SEPTIN7: variants seen among roughly 807,000 people sequenced by gnomAD.
SEPTIN7 encodes the protein septin-7.
SEPTIN7 carries 10 observed loss-of-function variants against 63.3 expected under a neutral mutation model. The observed-to-expected ratio is 0.16, with a 90% confidence interval of 0.10 to 0.27. SEPTIN7 has a LOEUF of 0.27. SEPTIN7 is among the 10% of genes least tolerant of loss of function. The pLI, the probability that SEPTIN7 is intolerant of heterozygous loss-of-function variation, is 1.00. For synonymous variants in SEPTIN7, 131 were observed against 165.3 expected (o/e 0.79, Z 1.59); for missense variants, 310 against 521.0 (o/e 0.59, Z 3.94).
chr7:35,855,127 C>T (rs2727850), intron 3 of SEPTIN7, among the ~76,000 whole-genome samples: 73,419 of 151,834 alleles, frequency 0.48, 19,441 homozygotes, highest in African/African-American at 0.71. Flanking sequence ...GGCATTCCTA[C>T]GTCAATTTTT....
At chr7:35,847,812 G>A (rs1182633150) in intron 3 of SEPTIN7, 1 of 151,962 alleles carries the variant, frequency 6.6e-6, no homozygotes, top group Non-Finnish European at 1.5e-5. Context: ...GGTCCTTAGG[G>A]GATACGTTTT....
At chr7:35,891,805 C>CT (rs1271194345) in intron 11 of SEPTIN7, among the ~76,000 whole-genome samples, 1 of 152,054 alleles carries the variant, frequency 6.6e-6, no homozygotes, top group Non-Finnish European at 1.5e-5. Context: ...TTTTAAAAAA[C>CT]TTTTTGGTTC....
chr7:35,871,365 T>C (rs1360437398), intron 4 of SEPTIN7, among the ~76,000 whole-genome samples: 1 of 152,228 alleles, frequency 6.6e-6, no homozygotes, highest in African/African-American at 2.4e-5. Context: ...CGGTAGTCAC[T>C]AGCCATATGT....
chr7:35,895,017 T>C (rs1787876963), intron 11 of SEPTIN7, among the ~76,000 whole-genome samples: 1 of 152,190 alleles, frequency 6.6e-6, no homozygotes, highest in African/African-American at 2.4e-5. Context: ...GGTTATGTTG[T>C]AATCATTTTC....
intron 1 of SEPTIN7, among the ~76,000 whole-genome samples, chr7:35,804,947 T>C (rs1788237315): frequency 6.6e-6 from 1 of 151,844 alleles, no homozygotes; most frequent in Admixed American, 6.6e-5. Context: ...TTCAAGCAGT[T>C]CTCCTGTCTC....
intron 3 of SEPTIN7, among the ~76,000 whole-genome samples, chr7:35,834,977 T>A (rs1364390458): frequency 6.6e-6 from 1 of 152,180 alleles, no homozygotes. Context: ...ATTTTTTTTT[T>A]ATTAAACTCT....
intron 11 of SEPTIN7, among the ~76,000 whole-genome samples, chr7:35,897,603 A>ATG (rs954918161): frequency 6.6e-5 from 10 of 152,126 alleles, no homozygotes; most frequent in African/African-American, 2.4e-4. Context: ...TCTCTGAAGT[A>ATG]TGTGTGTGTG....
intron 12 of SEPTIN7, chr7:35,899,505 C>T (rs1390342123): frequency 2.6e-5 from 4 of 152,182 alleles, no homozygotes; most frequent in African/African-American, 9.7e-5. Context: ...ACTGCACTCC[C>T]GCCTGGGCGA....
At chr7:35,888,265 GTA>G (rs1787396037) in intron 10 of SEPTIN7, among the ~76,000 whole-genome samples, 1 of 152,102 alleles carries the variant, frequency 6.6e-6, no homozygotes, top group African/African-American at 2.4e-5. Context: ...AAATGATAAA[GTA>G]TATTTAAATG....
intron 3 of SEPTIN7, among the ~76,000 whole-genome samples, chr7:35,835,720 C>T (rs1259455365): frequency 1.3e-5 from 2 of 152,090 alleles, no homozygotes; most frequent in African/African-American, 4.8e-5. Flanking sequence ...TCCTGTTATT[C>T]CACTGGAATG....
chr7:35,804,566 G>A (rs1788200991), intron 1 of SEPTIN7, among the ~76,000 whole-genome samples: 1 of 152,198 alleles, frequency 6.6e-6, no homozygotes, highest in Non-Finnish European at 1.5e-5. Flanking sequence ...TTTGATGTTA[G>A]ATATGGATGC....
At chr7:35,859,218 C>T (rs912548007) in intron 3 of SEPTIN7, among the ~76,000 whole-genome samples, 20 of 151,764 alleles carry the variant, frequency 1.3e-4, no homozygotes, top group African/African-American at 4.4e-4. Flanking sequence ...TTTATTTTGT[C>T]TCAGGGTGTA....
intron 3 of SEPTIN7, among the ~76,000 whole-genome samples, chr7:35,850,789 A>T (rs1223764998): frequency 6.6e-6 from 1 of 152,184 alleles, no homozygotes; most frequent in East Asian, 1.9e-4. Flanking sequence ...TTTAAGATCA[A>T]GGACTACATC....
At chr7:35,828,842 C>T (rs1196668257) in intron 1 of SEPTIN7, among the ~76,000 whole-genome samples, 4 of 152,112 alleles carry the variant, frequency 2.6e-5, no homozygotes, top group African/African-American at 7.2e-5. Context: ...CTCACTGAAG[C>T]CTCAACCTCC....
At chr7:35,830,527 G>T (rs904047670) in intron 1 of SEPTIN7, among the ~76,000 whole-genome samples, 1 of 152,190 alleles carries the variant, frequency 6.6e-6, no homozygotes, top group Admixed American at 6.5e-5. Context: ...ATTCTAAGAT[G>T]CTGCTAAGGT....
intron 1 of SEPTIN7, among the ~76,000 whole-genome samples, chr7:35,822,704 A>G (rs572435148): frequency 6.6e-6 from 1 of 152,264 alleles, no homozygotes; most frequent in East Asian, 1.9e-4. Flanking sequence ...CTACTGGGAT[A>G]TTTATAATTG....
At chr7:35,864,561 C>A (rs1562559008) in intron 4 of SEPTIN7, among the ~76,000 whole-genome samples, 1 of 152,050 alleles carries the variant, frequency 6.6e-6, no homozygotes, top group Non-Finnish European at 1.5e-5. Flanking sequence ...AAAAAAAAAT[C>A]TCAATAATTT....
chr7:35,880,329 T>G (rs984514467), intron 7 of SEPTIN7, among the ~76,000 whole-genome samples: 28 of 144,594 alleles, frequency 1.9e-4, no homozygotes, highest in African/African-American at 7.0e-4. Flanking sequence ...ATCTCCCCAC[T>G]CCCCATTTTG....
At chr7:35,826,311 T>G (rs983902031) in intron 1 of SEPTIN7, among the ~76,000 whole-genome samples, 1 of 151,446 alleles carries the variant, frequency 6.6e-6, no homozygotes, top group East Asian at 1.9e-4. Context: ...AGTCTGTGGT[T>G]GTTTTTCATA....
Sources: gnomAD v4.1 joint callset for allele counts (sites outside exome capture counted in the v4.1 genomes callset) on GRCh38, gnomAD v4.1.1 for gene constraint, MANE v1.5 for transcripts, NCBI Gene and HGNC (gene_info 2026-07-23, HGNC 2026-07-21) for gene names.